The following SEH1L variants were observed in gnomAD, a reference collection of about 807,000 sequenced individuals.
The protein encoded by SEH1L is SEH1 like nucleoporin.
SEH1L carries 18 observed loss-of-function variants against 49.5 expected under a neutral mutation model. The observed-to-expected ratio is 0.36, with a 90% CI of 0.25 to 0.54. SEH1L has a LOEUF of 0.54. Among genes scored for constraint, SEH1L ranks in the 20% least tolerant of loss-of-function variants. SEH1L has a pLI of 0.87. For missense variants in SEH1L, 404 were observed against 528.8 expected (o/e 0.76, Z 2.31); for synonymous variants, 169 against 178.1 (o/e 0.95, Z 0.41).
At chr18:12,949,750 G>C (rs1306030643) in intron 1 of SEH1L, among the ~76,000 whole-genome samples, 1 of 152,084 alleles carries the variant, frequency 6.6e-6, no homozygotes, top group African/African-American at 2.4e-5. Context: ...ACCGCGCCCG[G>C]CCCACGTTAA....
At position 12,978,838 on chromosome 18, in the gene SEH1L, A is replaced by C; in HGVS notation, c.707A>C (p.His236Pro). Residue 236 changes from histidine to proline, a missense_variant, in exon 6 of 9, where the codon CAT becomes CCT. Coordinates refer to ENST00000399892, the MANE Select transcript of SEH1L (RefSeq NM_001013437.2). ...GCTCCAAATTTGGGAAGATCTTTCCATATTCTAGCAATAGCGACCAAAGAT... is the reference window on the plus strand; with the variant it reads ...GCTCCAAATTTGGGAAGATCTTTCCCTATTCTAGCAATAGCGACCAAAGAT... The part of the protein sequence containing the change: ...AFAPNLGRSF[H>P]ILAIATKDVR... The C allele has an allele frequency of 6.2e-7, 1 of 1,614,066 alleles. No individual in the cohort carries two copies.
intron 7 of SEH1L, among the ~76,000 whole-genome samples, chr18:12,983,447 T>TA (rs1267732113): frequency 6.6e-6 from 1 of 152,216 alleles, no homozygotes; most frequent in East Asian, 1.9e-4. Context: ...TTGCTGTCCT[T>TA]TTCTGCCTTT....
chr18:12,986,901 G>A lies in SEH1L; in HGVS notation c.1110G>A (p.Ser370=), dbSNP rs760850658. Reference sequence around the variant, plus strand: ...CTCTGGATTCCCCACGGGCTGGATCGAGATGGTCCAGTTATGCCCAGCTCC... The same window carrying A: ...CTCTGGATTCCCCACGGGCTGGATCAAGATGGTCCAGTTATGCCCAGCTCC... ...FTPLDSPRAG[S]RWSSYAQLLP... is the part of the protein sequence containing the mutation. The change falls in exon 9 of 9, where the codon TCG becomes TCA. Residue 370 remains serine, a synonymous_variant. Coordinates refer to ENST00000399892, the MANE Select transcript of SEH1L (RefSeq NM_001013437.2). 8.7e-6 allele frequency: 14 copies of A among 1,610,264 alleles called. No homozygotes were observed. Among genetic ancestry groups the A allele is most frequent in the Middle Eastern group, 1.6e-4 (1 of 6,070 alleles).
At chr18:12,979,112 C>G (rs1337754264) in intron 6 of SEH1L, among the ~76,000 whole-genome samples, 1 of 148,728 alleles carries the variant, frequency 6.7e-6, no homozygotes, top group African/African-American at 2.5e-5. Flanking sequence ...GGTGTTTCTC[C>G]CAGAGGGGGA....
chr18:12,956,781 G>A (rs1052230864), intron 3 of SEH1L, among the ~76,000 whole-genome samples: 13 of 151,074 alleles, frequency 8.6e-5, no homozygotes, highest in African/African-American at 1.7e-4. Flanking sequence ...AGAGTTTAGC[G>A]TAACCAACCT....
chr18:12,956,069 G>C (rs2030837043), intron 3 of SEH1L, among the ~76,000 whole-genome samples: 1 of 148,728 alleles, frequency 6.7e-6, no homozygotes, highest in Admixed American at 6.7e-5. Flanking sequence ...TTTTTAGACG[G>C]AGTCTCACTG....
chr18:12,981,285 C>A (rs1371171212), intron 6 of SEH1L, among the ~76,000 whole-genome samples: 81 of 150,758 alleles, frequency 5.4e-4, no homozygotes, highest in Non-Finnish European at 7.8e-4. Flanking sequence ...AGACGCTCCT[C>A]ACTTCCCAGA....
In SEH1L at chr18:12,971,145, G is replaced by T. The variant is rs759706897; in HGVS notation, c.522-8G>T. 1 of 1,598,944 alleles carries T rather than the reference G, an allele frequency of 6.3e-7. No individual in the cohort carries two copies. The highest frequency in any genetic ancestry group is 8.6e-7 in the Non-Finnish European group (1 of 1,166,662). On this transcript the variant is annotated splice_region_variant and splice_polypyrimidine_tract_variant and intron_variant, in intron 4 of 8. Transcript: ENST00000399892. Reference sequence around the variant, plus strand: ...GTTATCTAAAATGTTCTTTCTCCCCGTTTCTAGCTCTCGTGCTCATTCCCC... The same window carrying T: ...GTTATCTAAAATGTTCTTTCTCCCCTTTTCTAGCTCTCGTGCTCATTCCCC...
chr18:12,951,469 C>T (rs1283337870), intron 1 of SEH1L, among the ~76,000 whole-genome samples: 2 of 152,164 alleles, frequency 1.3e-5, no homozygotes, highest in African/African-American at 4.8e-5. Context: ...CAGCTCACTG[C>T]GACCTCCGCC....
Position 12,982,545 on chromosome 18 carries a change from A to C in SEH1L, c.789A>C (p.Pro263=). Residue 263 remains proline (P), a synonymous_variant, in exon 7 of 9, where the codon CCA becomes CCC. Coordinates refer to ENST00000399892, the MANE Select transcript of SEH1L (RefSeq NM_001013437.2). ...AAGAACTGACTTCCTCTGGTGGGCC[A>C]ACAAAGTTTGAAATCCATATAGTGG... ...VRKELTSSGG[P]TKFEIHIVAQ... The C allele has an allele frequency of 6.2e-7, 1 of 1,611,700 alleles. No individual in the cohort carries two copies. Among genetic ancestry groups the C allele is most frequent in the East Asian group, 2.2e-5 (1 of 44,866 alleles).
At chr18:12,964,425 TATC>T in intron 4 of SEH1L, 1 of 152,238 alleles carries the variant, frequency 6.6e-6, no homozygotes, top group Non-Finnish European at 1.5e-5. Context: ...CTTGCTATGT[TATC>T]ATTAAAGAAT....
intron 5 of SEH1L, among the ~76,000 whole-genome samples, chr18:12,974,973 C>A (rs985205940): frequency 1.3e-5 from 2 of 151,568 alleles, no homozygotes; most frequent in South Asian, 4.2e-4. Context: ...CTTTAGATAA[C>A]CTTAATTATT....
chr18:12,950,320 G>A (rs893781836), intron 1 of SEH1L, among the ~76,000 whole-genome samples: 1 of 152,164 alleles, frequency 6.6e-6, no homozygotes, highest in African/African-American at 2.4e-5. Context: ...ACAGGTGTGA[G>A]TCACCTTGCC....
At chr18:12,960,609 A>G (rs955276623) in intron 3 of SEH1L, among the ~76,000 whole-genome samples, 1 of 152,204 alleles carries the variant, frequency 6.6e-6, no homozygotes. Context: ...GGGCTTCCCT[A>G]AGCCAAACAG....
chr18:12,985,564 T>C, intron 8 of SEH1L: 1 of 1,120,178 alleles, frequency 8.9e-7, no homozygotes, highest in Non-Finnish European at 1.1e-6. Context: ...TTAAAAGGGT[T>C]GTTACCATTC....
In SEH1L at chr18:12,982,610, G is replaced by C; in HGVS notation, c.854G>C (p.Ser285Thr). Residue 285 changes from serine (S) to threonine (T), a missense_variant, in exon 7 of 9, where the codon AGT becomes ACT. Coordinates refer to ENST00000399892, the MANE Select transcript of SEH1L (RefSeq NM_001013437.2). ...CATAATTCTCAGGTCTGGCGAGTGA[G>C]TTGGAATATAACAGGAACGGTGCTA... ...DNHNSQVWRV[S>T]WNITGTVLAS... 1 of 1,613,960 alleles carries C rather than the reference G, an allele frequency of 6.2e-7. No individual in the cohort carries two copies. The highest frequency in any genetic ancestry group is 8.5e-7 in the Non-Finnish European group (1 of 1,179,866).
intron 6 of SEH1L, among the ~76,000 whole-genome samples, chr18:12,980,744 G>C (rs1172573754): frequency 1.4e-4 from 1 of 7,308 alleles, no homozygotes; most frequent in South Asian, 6.7e-3. Context: ...GGGCAGAGGG[G>C]CTCCTCACTT....
intron 8 of SEH1L, chr18:12,986,121 C>T (rs2032447694): frequency 1.0e-6 from 1 of 984,160 alleles, no homozygotes; most frequent in Admixed American, 6.1e-5. Context: ...TAATTGTCAG[C>T]ATTCCATGTC....
intron 2 of SEH1L, among the ~76,000 whole-genome samples, chr18:12,952,487 C>T (rs1344074827): frequency 1.3e-5 from 2 of 152,086 alleles, no homozygotes; most frequent in Non-Finnish European, 2.9e-5. Flanking sequence ...CCCTCGGCCT[C>T]CCAAAGTGCT....
Sources: allele counts gnomAD v4.1 joint callset (sites outside exome capture counted in the v4.1 genomes callset), GRCh38; gene constraint gnomAD v4.1.1; transcripts MANE v1.5; gene names NCBI Gene and HGNC (gene_info 2026-07-23, HGNC 2026-07-21).